Variants in RFX1 observed in about 807,000 individuals in gnomAD.
The protein encoded by RFX1 is MHC class II regulatory factor RFX1.
In RFX1, 42 loss-of-function variants were observed where a neutral mutation model predicts 119.6. The ratio of observed to expected loss-of-function variants is 0.35; its 90% CI spans 0.27 to 0.45. RFX1 has a LOEUF of 0.45. Ranked by LOEUF, RFX1 falls within the 20% of genes least tolerant of loss-of-function variation. RFX1 has a pLI of 1.00. For missense variants in RFX1, 1,118 were observed against 1,368.1 expected (o/e 0.82, Z 2.88); for synonymous variants, 628 against 618.5 (o/e 1.02, Z -0.23).
chr19:13,978,460 G>C (rs1000236880), intron 7 of RFX1, among the ~76,000 whole-genome samples: 2 of 152,186 alleles, frequency 1.3e-5, no homozygotes, highest in Non-Finnish European at 2.9e-5. Flanking sequence ...ACCGGGCACA[G>C]GATGTGAGGG....
chr19:13,966,665 C>T lies in RFX1; in HGVS notation c.1819G>A (p.Ala607Thr), dbSNP rs368076467. ...TGTTCCCGGTACAGGACCTGGAAGG[C>T]TTTGATGTCCCCGGGCCCGACGCCC... ...PEGVGPGDIK[A>T]FQVLYREHCE... Residue 607 changes from alanine to threonine, a missense_variant, in exon 13 of 21, where the codon GCC becomes ACC. By Grantham distance (58) the Ala-to-Thr change is moderately conservative. Transcript: ENST00000254325. The surrounding 1 kb of genome is among the most constrained non-coding windows in gnomAD (Gnocchi z 6.3). The T allele has an allele frequency of 2.5e-6, 4 of 1,610,036 alleles. No individual in the cohort carries two copies. The highest frequency in any genetic ancestry group is 2.7e-5 in the African/African-American group (2 of 74,806).
Position 13,968,336 on chromosome 19 carries a change from A to G in RFX1, c.1732+229T>C, listed in dbSNP as rs1182985515. ...CTGGGAAGCTCAGAACCCCCGAGAA[A>G]TGCTTTGCATTGAAAGAAATGAGAA... is the stretch of plus-strand genomic sequence containing the variant. On this transcript the variant is annotated intron_variant, in intron 12 of 20. Coordinates refer to ENST00000254325, the MANE Select transcript of RFX1 (RefSeq NM_002918.5). This position sits in a 1 kb window ranked among gnomAD's most constrained non-coding sequence, Gnocchi z 5.5. Among the ~76,000 whole-genome samples, 1 of 152,214 alleles carries G rather than the reference A, an allele frequency of 6.6e-6. No individual in the cohort carries two copies. Among genetic ancestry groups the G allele is most frequent in the Non-Finnish European group, 1.5e-5 (1 of 68,034 alleles).
At position 13,972,838 on chromosome 19, in the gene RFX1, C is replaced by T. The variant is rs960634966; in HGVS notation, c.1219G>A (p.Gly407Ser). The change falls in exon 9 of 21, where the codon GGC becomes AGC. Residue 407 changes from glycine to serine, a missense_variant. Gly to Ser is a moderately conservative substitution (Grantham distance 56). This residue lies in a region of RFX1 where 542 missense variants were observed against 602.7 expected (regional missense o/e 0.90). Transcript: ENST00000254325. ...GGGSGSTGGG[G>S]SGAGTYVIQG... ...ATCACGTAGGTGCCTGCTCCGCTGC[C>T]GCCGCCTCCGGTGCTGCCACTGCCA... The T allele has an allele frequency of 3.6e-5, 57 of 1,585,082 alleles. No homozygotes were observed. The highest frequency in any genetic ancestry group is 4.6e-5 in the East Asian group (2 of 43,210).
chr19:13,993,573 G>T lies in RFX1; in HGVS notation c.271C>A (p.Pro91Thr). Residue 91 changes from proline to threonine, a missense_variant, in exon 2 of 21, where the codon CCC becomes ACC. By Grantham distance (38) the Pro-to-Thr change is conservative. Coordinates refer to ENST00000254325, the MANE Select transcript of RFX1 (RefSeq NM_002918.5). The part of the protein sequence containing the change: ...VPAPSQPTGA[P>T]TPSPAPQQYI... ...TGCTGGGGTGCAGGCGAAGGGGTGG[G>T]TGCACCGGTTGGCTGCGAGGGTGCG... 1 of 1,613,078 alleles carries T rather than the reference G, an allele frequency of 6.2e-7. No homozygotes were observed. The highest frequency in any genetic ancestry group is 8.5e-7 in the Non-Finnish European group (1 of 1,179,622).
intron 7 of RFX1, 55 bp downstream of exon 7, chr19:13,979,392 G>T: frequency 7.5e-7 from 1 of 1,331,278 alleles, no homozygotes; most frequent in Non-Finnish European, 1.0e-6. Context: ...GCACTCCCCA[G>T]CCCCAGCCCG....
In RFX1 at chr19:13,963,003, G is replaced by A; in HGVS notation, c.2761C>T (p.Pro921Ser). 7 of 1,551,884 alleles carry A rather than the reference G, an allele frequency of 4.5e-6. No homozygotes were observed. Among genetic ancestry groups the A allele is most frequent in the Non-Finnish European group, 6.1e-6 (7 of 1,147,256 alleles). Residue 921 changes from proline to serine, a missense_variant, in exon 20 of 21, where the codon CCC becomes TCC. Physicochemically the swap from Pro to Ser is moderately conservative, Grantham distance 74. Around this residue, in one of 5 missense-constraint regions of RFX1, gnomAD observed 138 missense variants for 117.8 expected, o/e 1.17. Transcript: ENST00000254325. ...NLATSLNPLD[P>S]DKDEEEEEEE... ...AACACGCCTCGCCTACCTTTGTCGG[G>A]GTCCAGGGGGTTCAGGGAGGTGGCC...
At chr19:13,987,150 G>A (rs1974625236) in intron 2 of RFX1, among the ~76,000 whole-genome samples, 1 of 152,336 alleles carries the variant, frequency 6.6e-6, no homozygotes, top group East Asian at 1.9e-4. Context: ...CCTTCGGGGC[G>A]GCCCCTGTTC....
intron 4 of RFX1, among the ~76,000 whole-genome samples, chr19:13,982,590 G>C (rs1974463316): frequency 6.6e-6 from 1 of 152,180 alleles, no homozygotes; most frequent in Non-Finnish European, 1.5e-5. Flanking sequence ...GATCACCTGA[G>C]GTCAGGAGTT....
At chr19:13,977,379 C>G (rs890450112) in intron 8 of RFX1, among the ~76,000 whole-genome samples, 1 of 151,504 alleles carries the variant, frequency 6.6e-6, no homozygotes, top group African/African-American at 2.4e-5. Context: ...AACAAAGAAA[C>G]AGGTCACAGC....
chr19:13,976,728 C>T (rs1013414397), intron 8 of RFX1, among the ~76,000 whole-genome samples: 2 of 152,226 alleles, frequency 1.3e-5, no homozygotes, highest in Admixed American at 1.3e-4. Context: ...AGGCTGGGCA[C>T]TGTGGCTCAT....
chr19:13,967,344 C>CT (rs1028736732), intron 12 of RFX1, among the ~76,000 whole-genome samples: 112 of 144,472 alleles, frequency 7.8e-4, no homozygotes, highest in South Asian at 1.7e-3. Context: ...TTTACTTTGT[C>CT]TTTTTTTTTT....
chr19:13,976,163 C>T (rs1974248561), intron 8 of RFX1, among the ~76,000 whole-genome samples: 1 of 152,158 alleles, frequency 6.6e-6, no homozygotes, highest in Admixed American at 6.5e-5. Flanking sequence ...GTGAGGTAGC[C>T]GGACGCCGGG....
In RFX1 at chr19:13,988,056, T is replaced by C. The variant is rs2145606923; in HGVS notation, c.320-4461A>G. 2.7e-5 allele frequency among the ~76,000 whole-genome samples: 4 copies of C among 150,392 alleles called. No individual in the cohort carries two copies. The Middle Eastern group carries it at 0.014, about 512-fold the overall frequency. The stretch of plus-strand genomic sequence containing the variant: ...TTTTTTTTTTTTTTGAGACAGAGTC[T>C]TGCTCTGTTACTCAGGCTGGAGCGC... On this transcript the variant is annotated intron_variant, in intron 2 of 20. Transcript: ENST00000254325.
At position 13,982,242 on chromosome 19, in the gene RFX1, G is replaced by A; in HGVS notation, c.514-14C>T. On this transcript the variant is annotated splice_polypyrimidine_tract_variant and intron_variant, in intron 4 of 20. Coordinates refer to ENST00000254325, the MANE Select transcript of RFX1 (RefSeq NM_002918.5). Reference sequence around the variant, plus strand: ...CGTGGGAAGAGCCTGGGGCCAGGGAGGGAGAGGGAGGGCAGATCACTGATG... The same window carrying A: ...CGTGGGAAGAGCCTGGGGCCAGGGAAGGAGAGGGAGGGCAGATCACTGATG... 7.8e-7 allele frequency: 1 copy of A among 1,278,626 alleles called. No individual in the cohort carries two copies. Among genetic ancestry groups the A allele is most frequent in the African/African-American group, 1.7e-5 (1 of 57,936 alleles). The allele number at this position is 1,278,626 out of a possible 1,614,324, so 79.2% of individuals were successfully genotyped here.
At chr19:13,962,958 G>C (rs1973753122) in intron 20 of RFX1, 36 bp downstream of exon 20, 1 of 1,548,786 alleles carries the variant, frequency 6.5e-7, no homozygotes, top group South Asian at 1.2e-5. Context: ...GCCACCCCCG[G>C]GACCCGCGCC....
At chr19:13,988,970 T>C (rs568259734) in intron 2 of RFX1, among the ~76,000 whole-genome samples, 2 of 152,060 alleles carry the variant, frequency 1.3e-5, no homozygotes, top group Admixed American at 1.3e-4. Flanking sequence ...TGCAGTGAAC[T>C]GAGATCGCAC....
intron 1 of RFX1, among the ~76,000 whole-genome samples, chr19:14,000,207 C>T (rs1019409329): frequency 2.6e-5 from 4 of 151,734 alleles, no homozygotes; most frequent in African/African-American, 9.7e-5. Flanking sequence ...TCCTAGAGGC[C>T]GGGCGTGGTG....
At chr19:14,003,673 G>A (rs1975287100) in intron 1 of RFX1, among the ~76,000 whole-genome samples, 1 of 152,076 alleles carries the variant, frequency 6.6e-6, no homozygotes, top group Non-Finnish European at 1.5e-5. Flanking sequence ...GAGATTGAAA[G>A]GACTACCAAG....
chr19:13,990,444 G>C lies in RFX1; in HGVS notation c.319+3081C>G, dbSNP rs997274295. Among the ~76,000 whole-genome samples, 9 of 152,100 alleles carry C rather than the reference G, an allele frequency of 5.9e-5. No individual in the cohort carries two copies. The highest frequency in any genetic ancestry group is 1.7e-4 in the African/African-American group (7 of 41,404). ...ACTTGTAATTCCAGCACTTTGGGAG[G>C]CTGAAGTGGGAGAATTGTTTGAGGC... On this transcript the variant is annotated intron_variant, in intron 2 of 20. Coordinates refer to ENST00000254325, the MANE Select transcript of RFX1 (RefSeq NM_002918.5). The surrounding 1 kb of genome is among the most constrained non-coding windows in gnomAD (Gnocchi z 4.1).
Sources: allele counts gnomAD v4.1 joint callset (sites outside exome capture counted in the v4.1 genomes callset), GRCh38; gene constraint gnomAD v4.1.1; regional missense constraint gnomAD v4.1.1; non-coding constraint Gnocchi (gnomAD v3.1); transcripts MANE v1.5; gene names NCBI Gene and HGNC (gene_info 2026-07-23, HGNC 2026-07-21).